Variants in MTMR2 observed in about 807,000 individuals in gnomAD.
The protein encoded by MTMR2 is phosphatidylinositol-3,5-bisphosphate 3-phosphatase MTMR2.
In MTMR2, 55 loss-of-function variants were observed where a neutral mutation model predicts 86.9. The observed-to-expected ratio is 0.63, with a 90% CI of 0.51 to 0.79. The LOEUF (loss-of-function observed/expected upper bound fraction) is 0.79, where lower values mean the gene tolerates loss of function less well. Among genes scored for constraint, MTMR2 ranks in the 30% least tolerant of loss-of-function variants. The pLI, the probability that MTMR2 is intolerant of heterozygous loss-of-function variation, is 0.00. For synonymous variants in MTMR2, 241 were observed against 266.8 expected, an observed-to-expected ratio of 0.90 and a Z score of 0.94; for missense variants, 659 against 772.3, an observed-to-expected ratio of 0.85 and a Z score of 1.74.
At chr11:95,849,890 C>A (rs1358769829) in intron 8 of MTMR2, 28 bp from the exon 9 acceptor site, 1 of 1,541,284 alleles carries the variant, frequency 6.5e-7, no homozygotes, top group South Asian at 1.1e-5. Flanking sequence ...GGTAACACAC[C>A]TTTTACATAC....
chr11:95,894,259 C>G (rs1164093531), intron 1 of MTMR2, among the ~76,000 whole-genome samples: 1 of 152,104 alleles, frequency 6.6e-6, no homozygotes, highest in Non-Finnish European at 1.5e-5. Flanking sequence ...TATCATAATA[C>G]CTGTAACATT....
At chr11:95,915,691 C>T (rs1055426813) in intron 1 of MTMR2, among the ~76,000 whole-genome samples, 1 of 152,054 alleles carries the variant, frequency 6.6e-6, no homozygotes, top group African/African-American at 2.4e-5. Context: ...GAGAAAATAC[C>T]TAAGTAGAAC....
rs144788821 is a variant in MTMR2 at position 95,891,428 on chromosome 11, G to A, written c.81-3167C>T. Reference sequence around the variant, plus strand: ...ATCATACCACTGCACTCCAGCCTGGGCAACAGAGCAAGACTCTCACCAAAA... The same window carrying A: ...ATCATACCACTGCACTCCAGCCTGGACAACAGAGCAAGACTCTCACCAAAA... On this transcript the variant is annotated intron_variant, in intron 1 of 14. Transcript: ENST00000346299. Among the ~76,000 whole-genome samples, 1,165 of 150,202 alleles carry A rather than the reference G, an allele frequency of 7.8e-3. 24 individuals carry two copies. The highest frequency in any genetic ancestry group is 0.027 in the African/African-American group (1,108 of 40,944).
intron 1 of MTMR2, among the ~76,000 whole-genome samples, chr11:95,917,712 A>C (rs1159542329): frequency 6.6e-6 from 1 of 152,208 alleles, no homozygotes; most frequent in African/African-American, 2.4e-5. Context: ...CACAAAGAAA[A>C]GAAAATACAT....
chr11:95,922,425 A>AT (rs1866962005), intron 1 of MTMR2, among the ~76,000 whole-genome samples: 1 of 152,228 alleles, frequency 6.6e-6, no homozygotes, highest in Admixed American at 6.5e-5. Context: ...ACAACTGAAC[A>AT]TGTTAATCCT....
At chr11:95,921,645 T>A (rs1260669870) in intron 1 of MTMR2, among the ~76,000 whole-genome samples, 1 of 152,182 alleles carries the variant, frequency 6.6e-6, no homozygotes, top group Non-Finnish European at 1.5e-5. Context: ...GTATGATGAT[T>A]AATGAAATAA....
chr11:95,848,090 A>G (rs1441441899), intron 9 of MTMR2, among the ~76,000 whole-genome samples, 191 bp from the exon 10 acceptor site: 1 of 152,240 alleles, frequency 6.6e-6, no homozygotes, highest in African/African-American at 2.4e-5. Context: ...TCTTTACAAA[A>G]TGAATATATA....
intron 2 of MTMR2, among the ~76,000 whole-genome samples, chr11:95,883,133 C>G (rs185404938): frequency 1.7e-4 from 26 of 152,120 alleles, no homozygotes; most frequent in Admixed American, 3.9e-4. Flanking sequence ...AAAGGAACTA[C>G]TACATAGCTT....
chr11:95,871,978 T>A (rs920623628), intron 2 of MTMR2, among the ~76,000 whole-genome samples: 1 of 152,362 alleles, frequency 6.6e-6, no homozygotes. Flanking sequence ...CCAGCACTGT[T>A]TATTAAATAG....
chr11:95,905,357 AC>A (rs1866228396), intron 1 of MTMR2, among the ~76,000 whole-genome samples: 1 of 151,894 alleles, frequency 6.6e-6, no homozygotes, highest in Non-Finnish European at 1.5e-5. Context: ...ACACACACAC[AC>A]ACACACACAC....
In MTMR2 at chr11:95,849,683, A is replaced by G. The variant is rs116691712; in HGVS notation, c.984T>C (p.Val328=). The G allele has an allele frequency of 2.0e-5, 32 of 1,613,970 alleles. No homozygotes were observed. In the East Asian group the frequency reaches 2.2e-4, roughly 11 times the overall value. Residue 328 remains valine, a synonymous_variant, in exon 9 of 15, where the codon GTT becomes GTC. Coordinates refer to ENST00000346299, the MANE Select transcript of MTMR2 (RefSeq NM_016156.6). The stretch of plus-strand genomic sequence containing the variant: ...TAAGAGACCATCTGACCTTGTTGGC[A>G]ACAGCATTAACACTTGGCCGGGCAT... ...IFDARPSVNA[V]ANKAKGGGYE...
intron 1 of MTMR2, among the ~76,000 whole-genome samples, chr11:95,900,031 T>G (rs1175228980): frequency 6.6e-6 from 1 of 152,062 alleles, no homozygotes. Context: ...TAGAGGAACT[T>G]AGGTCAGTTA....
intron 2 of MTMR2, among the ~76,000 whole-genome samples, chr11:95,868,274 A>T (rs1275930871): frequency 3.7e-3 from 13 of 3,542 alleles, no homozygotes; most frequent in Non-Finnish European, 5.3e-3. Context: ...ACCCTGTGCT[A>T]AAAAAAAAAA....
chr11:95,902,548 T>C (rs985818605), intron 1 of MTMR2, among the ~76,000 whole-genome samples: 8 of 152,182 alleles, frequency 5.3e-5, no homozygotes, highest in African/African-American at 1.7e-4. Flanking sequence ...TTCTCACAAG[T>C]AGTCAGAACT....
At chr11:95,919,375 T>C (rs1049654437) in intron 1 of MTMR2, among the ~76,000 whole-genome samples, 1 of 152,152 alleles carries the variant, frequency 6.6e-6, no homozygotes, top group Admixed American at 6.6e-5. Context: ...ACCCCCCCTT[T>C]GATTTTTTTA....
intron 2 of MTMR2, among the ~76,000 whole-genome samples, chr11:95,870,533 C>T (rs919680666): frequency 2.0e-5 from 3 of 151,856 alleles, no homozygotes; most frequent in Admixed American, 2.0e-4. Context: ...TGACCCTAGG[C>T]TTATAAAACA....
At chr11:95,909,179 G>A (rs1052944818) in intron 1 of MTMR2, among the ~76,000 whole-genome samples, 8 of 152,050 alleles carry the variant, frequency 5.3e-5, no homozygotes, top group African/African-American at 1.9e-4. Flanking sequence ...CTATTTCAAA[G>A]TGTAGCATTT....
At chr11:95,878,088 T>C (rs868761032) in intron 2 of MTMR2, among the ~76,000 whole-genome samples, 1 of 150,692 alleles carries the variant, frequency 6.6e-6, no homozygotes, top group Non-Finnish European at 1.5e-5. Flanking sequence ...TGGTACGTCA[T>C]ACAAAGGAAT....
chr11:95,856,739 C>A (rs987584048), intron 7 of MTMR2, among the ~76,000 whole-genome samples: 1 of 152,064 alleles, frequency 6.6e-6, no homozygotes, highest in Non-Finnish European at 1.5e-5. Flanking sequence ...TCTTTAGACA[C>A]CTGCTTTCCA....
Sources: allele counts gnomAD v4.1 joint callset (sites outside exome capture counted in the v4.1 genomes callset), GRCh38; gene constraint gnomAD v4.1.1; transcripts MANE v1.5; gene names NCBI Gene and HGNC (gene_info 2026-07-23, HGNC 2026-07-21).